Variants in EVI5 observed in about 807,000 individuals in gnomAD.
EVI5 encodes ecotropic viral integration site 5 protein homolog.
Under a neutral mutation model 112.0 loss-of-function variants are expected in EVI5, and 73 were observed. That is an observed-to-expected ratio of 0.65 (90% CI 0.54 to 0.79). The LOEUF is 0.79. EVI5 is among the 30% of genes least tolerant of loss of function. The probability of loss-of-function intolerance (pLI) is 0.00; values close to 1 mark genes in which losing one functional copy is unlikely to be tolerated. For missense variants in EVI5, 900 were observed against 968.8 expected (o/e 0.93, Z 0.94); for synonymous variants, 305 against 319.9 (o/e 0.95, Z 0.50).
chr1:92,627,250 AG>A (rs1655885140), intron 14 of EVI5, among the ~76,000 whole-genome samples: 1 of 152,228 alleles, frequency 6.6e-6, no homozygotes, highest in African/African-American at 2.4e-5. Context: ...CATATCAGTG[AG>A]AACATACGAT....
intron 13 of EVI5, among the ~76,000 whole-genome samples, chr1:92,653,147 A>G (rs1237216153): frequency 6.6e-6 from 1 of 152,172 alleles, no homozygotes; most frequent in East Asian, 1.9e-4. Flanking sequence ...CTGGGAGCAC[A>G]GCCATCAGGG....
chr1:92,515,703 T>G (rs1438426663), intron 19 of EVI5, among the ~76,000 whole-genome samples: 1 of 152,210 alleles, frequency 6.6e-6, no homozygotes, highest in African/African-American at 2.4e-5. Flanking sequence ...ATGTGAAATA[T>G]TCAGGAAATA....
chr1:92,669,547 C>CCAAAAAAAAAAAAAAAAAAAA (rs778144832), intron 10 of EVI5, among the ~76,000 whole-genome samples: 1 of 51,810 alleles, frequency 1.9e-5, no homozygotes, highest in African/African-American at 9.7e-5. Context: ...GGCTCTGTCT[C>CCAAAAAAAAAAAAAAAAAAAA]AAAAAAAAAA....
intron 2 of EVI5, among the ~76,000 whole-genome samples, chr1:92,722,155 T>C (rs1167413207): frequency 1.3e-5 from 2 of 152,022 alleles, no homozygotes; most frequent in Admixed American, 6.6e-5. Context: ...CTCTCATACT[T>C]TTTTTTGTGG....
chr1:92,593,379 C>T (rs1487390723), intron 18 of EVI5, among the ~76,000 whole-genome samples: 1 of 152,148 alleles, frequency 6.6e-6, no homozygotes, highest in Non-Finnish European at 1.5e-5. Flanking sequence ...ACCCTTCATG[C>T]TAAAAACTCT....
intron 1 of EVI5, among the ~76,000 whole-genome samples, chr1:92,765,361 T>C (rs1682466193): frequency 6.6e-6 from 1 of 151,748 alleles, no homozygotes; most frequent in Admixed American, 6.6e-5. Context: ...GGCTGCTTTA[T>C]GCATTTAGCC....
intron 19 of EVI5, among the ~76,000 whole-genome samples, chr1:92,549,069 G>A (rs1235842820): frequency 2.6e-5 from 4 of 152,154 alleles, no homozygotes; most frequent in Non-Finnish European, 4.4e-5. Context: ...AACAAAGCTG[G>A]AGGCATCACG....
chr1:92,616,374 A>G (rs1653143934), intron 16 of EVI5, among the ~76,000 whole-genome samples: 1 of 152,210 alleles, frequency 6.6e-6, no homozygotes, highest in South Asian at 2.1e-4. Flanking sequence ...GAATAATTGA[A>G]TACTGAGGTG....
chr1:92,676,515 A>T (rs915334612), intron 10 of EVI5, among the ~76,000 whole-genome samples: 1 of 152,204 alleles, frequency 6.6e-6, no homozygotes, highest in African/African-American at 2.4e-5. Context: ...CTACAATATC[A>T]GCATAAAAGG....
chr1:92,550,983 T>A (rs1440400501), intron 19 of EVI5, among the ~76,000 whole-genome samples: 1 of 146,032 alleles, frequency 6.8e-6, no homozygotes, highest in Non-Finnish European at 1.5e-5. Flanking sequence ...AATCCAGAAT[T>A]AAGATTAAGA....
At chr1:92,540,595 G>T (rs1664628489) in intron 19 of EVI5, among the ~76,000 whole-genome samples, 1 of 152,104 alleles carries the variant, frequency 6.6e-6, no homozygotes, top group Non-Finnish European at 1.5e-5. Context: ...TCAGGTAAAT[G>T]ATTTGATTTT....
chr1:92,607,697 C>T lies in EVI5; in HGVS notation c.1858G>A (p.Ala620Thr), dbSNP rs1290631885. 1.9e-6 allele frequency: 3 copies of T among 1,603,722 alleles called. No homozygotes were observed. The highest frequency in any genetic ancestry group is 4.5e-5 in the East Asian group (2 of 44,636). ...NQINSNHLRR[A>T]EQEVISLQEK... ...TGTAGGCTAATCACCTCTTGTTCTG[C>T]TCTTCGAAGATGGTTACTATTGATC... Residue 620 changes from alanine to threonine, a missense_variant, in exon 17 of 20, where the codon GCA becomes ACA. Ala to Thr is a moderately conservative substitution (Grantham distance 58, BLOSUM62 0). Transcript: ENST00000684568.
In EVI5 at chr1:92,785,066, G is replaced by A. The variant is rs1490677224; in HGVS notation, c.-312C>T. On this transcript the variant is annotated 5_prime_UTR_variant, in exon 1 of 20. Transcript: ENST00000684568. Reference sequence around the variant, plus strand: ...CAGCCAGCCCCTTGCCAGCTGGCCAGCTGGTTCCTCCGGGGTCCGGCCCGG... The same window carrying A: ...CAGCCAGCCCCTTGCCAGCTGGCCAACTGGTTCCTCCGGGGTCCGGCCCGG... 6 of 985,434 alleles carry A rather than the reference G, an allele frequency of 6.1e-6. No homozygotes were observed. The highest frequency in any genetic ancestry group is 1.7e-5 in the African/African-American group (1 of 57,220). The allele number at this position is 985,434 out of a possible 1,614,324, so 61.0% of individuals were successfully genotyped here. A position where few individuals can be genotyped will look rare whatever the true frequency, so the allele number is the denominator to read the frequency against.
intron 1 of EVI5, among the ~76,000 whole-genome samples, chr1:92,741,615 T>G (rs1367550355): frequency 6.6e-6 from 1 of 152,212 alleles, no homozygotes; most frequent in Non-Finnish European, 1.5e-5. Context: ...AAAACTGGGC[T>G]GATGGGGTTA....
At chr1:92,580,421 A>T (rs568998969) in intron 18 of EVI5, 1 of 152,626 alleles carries the variant, frequency 6.6e-6, no homozygotes, top group South Asian at 2.1e-4. Flanking sequence ...AATCAATGAT[A>T]GTTAAAGTAA....
chr1:92,544,789 T>A (rs1665409146), intron 19 of EVI5, among the ~76,000 whole-genome samples: 1 of 152,202 alleles, frequency 6.6e-6, no homozygotes, highest in Non-Finnish European at 1.5e-5. Context: ...TTAGTATCCC[T>A]CTCTTCCTCC....
At chr1:92,630,615 G>A (rs949180075) in intron 14 of EVI5, among the ~76,000 whole-genome samples, 5 of 152,052 alleles carry the variant, frequency 3.3e-5, no homozygotes, top group African/African-American at 1.2e-4. Context: ...CCATTCTGTA[G>A]GTTGCCTGTT....
intron 1 of EVI5, among the ~76,000 whole-genome samples, chr1:92,772,689 G>A (rs965230644): frequency 6.6e-6 from 1 of 151,858 alleles, no homozygotes; most frequent in African/African-American, 2.4e-5. Context: ...GATCACCTGA[G>A]GACAGGAGGA....
At chr1:92,675,734 A>T (rs1666623987) in intron 10 of EVI5, among the ~76,000 whole-genome samples, 1 of 152,150 alleles carries the variant, frequency 6.6e-6, no homozygotes, top group African/African-American at 2.4e-5. Flanking sequence ...AGGCAGGTGG[A>T]TCACGAGGTC....
Sources: allele counts gnomAD v4.1 joint callset (sites outside exome capture counted in the v4.1 genomes callset), GRCh38; gene constraint gnomAD v4.1.1; transcripts MANE v1.5; gene names NCBI Gene and HGNC (gene_info 2026-07-23, HGNC 2026-07-21).